The following XKR9 variants were observed in gnomAD, a reference collection of about 807,000 sequenced individuals.
XKR9 encodes the protein XK-related protein 9.
In XKR9, 32 loss-of-function variants were observed where a neutral mutation model predicts 32.0. The ratio of observed to expected loss-of-function variants is 1.00; its 90% confidence interval spans 0.76 to 1.34. The LOEUF (loss-of-function observed/expected upper bound fraction) is 1.34, where lower values mean the gene tolerates loss of function less well. Among genes scored for constraint, XKR9 ranks in the 40% most tolerant of loss-of-function variants. The pLI, the probability that XKR9 is intolerant of heterozygous loss-of-function variation, is 0.00. For missense variants in XKR9, 546 were observed against 429.7 expected (o/e 1.27, Z -2.39); for synonymous variants, 168 against 143.4 (o/e 1.17, Z -1.22).
At chr8:70,876,954 T>C in the XKR9 span, among the ~76,000 whole-genome samples, 65 of 152,282 alleles carry the variant, frequency 4.3e-4, no homozygotes, top group African/African-American at 1.5e-3. Context: ...AATTTTATTA[T>C]CATTGCATCT....
chr8:70,836,282 C>G, the XKR9 span, among the ~76,000 whole-genome samples: 3 of 152,068 alleles, frequency 2.0e-5, no homozygotes, highest in South Asian at 6.2e-4. Context: ...AATGAATATG[C>G]CTGTGTAGCC....
the XKR9 span, among the ~76,000 whole-genome samples, chr8:70,930,386 G>A: frequency 6.6e-6 from 1 of 152,046 alleles, no homozygotes; most frequent in Admixed American, 6.6e-5. Context: ...TACCAAAGAT[G>A]ACTTAGTCAT....
At chr8:70,863,977 A>T in the XKR9 span, among the ~76,000 whole-genome samples, 2 of 152,164 alleles carry the variant, frequency 1.3e-5, no homozygotes, top group Non-Finnish European at 1.5e-5. Context: ...TATTTGCCAA[A>T]CAGCTGTTTG....
chr8:70,789,394 A>G (rs1807733580), exon 3 of XKR9: 2 of 152,118 alleles, frequency 1.3e-5, no homozygotes, highest in Non-Finnish European at 2.9e-5. Flanking sequence ...CTTCATCTAC[A>G]AAGAGAACTT....
chr8:70,797,692 T>C, the XKR9 span, among the ~76,000 whole-genome samples: 1 of 152,090 alleles, frequency 6.6e-6, no homozygotes, highest in Non-Finnish European at 1.5e-5. Context: ...AGTATTTCCA[T>C]CTTCACTCCC....
At chr8:70,755,626 G>T (rs1054825029) in intron 2 of XKR9, among the ~76,000 whole-genome samples, 1 of 151,828 alleles carries the variant, frequency 6.6e-6, no homozygotes, top group African/African-American at 2.4e-5. Flanking sequence ...GGATGAAATT[G>T]GAAATCATCA....
chr8:70,961,041 A>G, the XKR9 span, among the ~76,000 whole-genome samples: 4 of 152,060 alleles, frequency 2.6e-5, no homozygotes, highest in South Asian at 8.3e-4. Context: ...ACGACAGTGC[A>G]TGCCTGTAAT....
chr8:70,899,392 C>G, the XKR9 span, among the ~76,000 whole-genome samples: 3 of 150,078 alleles, frequency 2.0e-5, no homozygotes, highest in African/African-American at 7.3e-5. Flanking sequence ...CCTCAACTCA[C>G]TGGGATCCCT....
At position 70,748,366 on chromosome 8, in the gene XKR9, T is replaced by C. The variant is rs189897363; in HGVS notation, n.353-40973T>C. Among the ~76,000 whole-genome samples, 136 of 152,320 alleles carry C rather than the reference T, an allele frequency of 8.9e-4. 2 individuals are homozygous for C. The highest frequency in any genetic ancestry group is 8.6e-3 in the Admixed American group (132 of 15,306). On this transcript the variant is annotated intron_variant and non_coding_transcript_variant, in intron 2 of 3. Transcript: ENST00000520273. ...CCTTCCCCCCACAGGCTTGGAAGTGTCTGCTCCTGCTTTCTAGTCTCTCCC... is the reference window on the plus strand; with the variant it reads ...CCTTCCCCCCACAGGCTTGGAAGTGCCTGCTCCTGCTTTCTAGTCTCTCCC...
intron 3 of XKR9, among the ~76,000 whole-genome samples, chr8:70,706,729 C>A (rs1160664838): frequency 6.6e-6 from 1 of 152,014 alleles, no homozygotes; most frequent in African/African-American, 2.4e-5. Flanking sequence ...ACAACTGGCA[C>A]ATCAAACATA....
chr8:70,805,099 A>T, the XKR9 span, among the ~76,000 whole-genome samples: 3 of 152,132 alleles, frequency 2.0e-5, no homozygotes, highest in African/African-American at 7.2e-5. Context: ...GTCTTATCAG[A>T]ACTGACTAGG....
intron 2 of XKR9, among the ~76,000 whole-genome samples, chr8:70,775,883 C>T (rs971044646): frequency 2.6e-5 from 4 of 151,770 alleles, no homozygotes; most frequent in Admixed American, 6.6e-5. Context: ...TAGCTGGGAC[C>T]ACAAGTGTGT....
chr8:70,730,768 C>G (rs1806637614), intron 4 of XKR9, among the ~76,000 whole-genome samples: 1 of 152,186 alleles, frequency 6.6e-6, no homozygotes, highest in Non-Finnish European at 1.5e-5. Flanking sequence ...TGTCAAAAAA[C>G]AAAGCTTTAG....
chr8:70,688,111 A>T (rs905773739), intron 3 of XKR9, among the ~76,000 whole-genome samples: 2 of 152,236 alleles, frequency 1.3e-5, no homozygotes, highest in Non-Finnish European at 2.9e-5. Flanking sequence ...GTCTTAGGCT[A>T]TGCCCTACCA....
chr8:70,702,112 C>G (rs1805558565), intron 3 of XKR9, among the ~76,000 whole-genome samples: 1 of 152,146 alleles, frequency 6.6e-6, no homozygotes, highest in Non-Finnish European at 1.5e-5. Context: ...AACTCTCCTT[C>G]TTACCTATTT....
the XKR9 span, among the ~76,000 whole-genome samples, chr8:70,857,975 A>G: frequency 1.3e-5 from 2 of 152,194 alleles, no homozygotes; most frequent in Non-Finnish European, 2.9e-5. Flanking sequence ...TCAAAATAAC[A>G]AGAGCTATCT....
At chr8:70,842,103 A>G in the XKR9 span, among the ~76,000 whole-genome samples, 1 of 152,202 alleles carries the variant, frequency 6.6e-6, no homozygotes, top group South Asian at 2.1e-4. Context: ...TATAGTGTAA[A>G]CAGAGCTTCC....
intron 4 of XKR9, among the ~76,000 whole-genome samples, chr8:70,729,920 T>C (rs565242294): frequency 3.9e-5 from 6 of 152,312 alleles, no homozygotes; most frequent in Non-Finnish European, 8.8e-5. Context: ...GTCTAAAGGA[T>C]TAATTAGGTC....
At chr8:70,742,257 G>A (rs1253170025) in intron 2 of XKR9, among the ~76,000 whole-genome samples, 1 of 152,190 alleles carries the variant, frequency 6.6e-6, no homozygotes, top group African/African-American at 2.4e-5. Flanking sequence ...AGAAAGTTAA[G>A]CAGTGTGAAC....
Sources: gnomAD v4.1 joint callset for allele counts (sites outside exome capture counted in the v4.1 genomes callset) on GRCh38, gnomAD v4.1.1 for gene constraint, MANE v1.5 for transcripts, NCBI Gene and HGNC (gene_info 2026-07-23, HGNC 2026-07-21) for gene names.